Variants in BRSK1 observed in about 807,000 individuals in gnomAD.
BRSK1 encodes the protein serine/threonine-protein kinase BRSK1.
Under a neutral mutation model 86.2 loss-of-function variants are expected in BRSK1, and 17 were observed. The observed-to-expected ratio is 0.20, with a 90% confidence interval of 0.14 to 0.30. The LOEUF (loss-of-function observed/expected upper bound fraction) is 0.30. Ranked by LOEUF, BRSK1 falls within the 10% of genes least tolerant of loss-of-function variation. The probability of loss-of-function intolerance (pLI) is 1.00; values close to 1 mark genes in which losing one functional copy is unlikely to be tolerated. For missense variants in BRSK1, 719 were observed against 1,071.9 expected (o/e 0.67, Z 4.60); for synonymous variants, 464 against 440.1 (o/e 1.05, Z -0.68).
rs375928229 is a variant in BRSK1, at chr19:55,302,903, G to A, written c.1028+36G>A. The A allele has an allele frequency of 1.0e-3, 1,643 of 1,591,214 alleles. 2 individuals are homozygous for A. The highest frequency in any genetic ancestry group is 8.8e-4 in the Non-Finnish European group (1,019 of 1,164,156). ...AAGACCCCTGCACCCGTGTACCCAC[G>A]TGGGGCGAGCTGCAGCAGCTCCCTG... On this transcript the variant is annotated intron_variant, in intron 10 of 18. Transcript: ENST00000309383. The surrounding 1 kb of genome is among the most constrained non-coding windows in gnomAD (Gnocchi z 6.3).
At position 55,304,857 on chromosome 19, in the gene BRSK1, C is replaced by T. The variant is rs2122985031; in HGVS notation, c.1654C>T (p.Arg552Cys). 1 of 1,609,128 alleles carries T rather than the reference C, an allele frequency of 6.2e-7. No individual in the cohort carries two copies. The highest frequency in any genetic ancestry group is 8.5e-7 in the Non-Finnish European group (1 of 1,179,614). Reference protein sequence around the residue: ...GGVGGAAWRSRLNSIRNSFLG... With the variant: ...GGVGGAAWRSCLNSIRNSFLG... ...CGTCGGGGGAGCCGCCTGGAGGAGTCGTCTCAACTCCATCCGCAACAGCTT... is the reference window on the plus strand; with the variant it reads ...CGTCGGGGGAGCCGCCTGGAGGAGTTGTCTCAACTCCATCCGCAACAGCTT... Residue 552 changes from arginine to cysteine, a missense_variant, in exon 14 of 19, where the codon CGT (arginine) becomes TGT (cysteine). Physicochemically the swap from Arg to Cys is radical, Grantham distance 180. Around this residue, in one of 6 missense-constraint regions of BRSK1, gnomAD observed 180 missense variants for 259.4 expected, o/e 0.69. Transcript: ENST00000309383. The surrounding 1 kb of genome is among the most constrained non-coding windows in gnomAD (Gnocchi z 5.2).
chr19:55,299,126 G>A (rs947784549), intron 7 of BRSK1, among the ~76,000 whole-genome samples: 3 of 152,126 alleles, frequency 2.0e-5, no homozygotes, highest in Middle Eastern at 3.4e-3. Flanking sequence ...ACTGCACTCC[G>A]GGCTACAGTG....
chr19:55,307,548 CAA>C (rs11378640), intron 17 of BRSK1, among the ~76,000 whole-genome samples: 20 of 80,612 alleles, frequency 2.5e-4, no homozygotes, highest in African/African-American at 4.2e-4. Flanking sequence ...GACTCTGTCT[CAA>C]AAAAAAAAAA....
chr19:55,303,213 G>T lies in BRSK1; in HGVS notation c.1029-98G>T. ...GATACCTAGAAAAAATGGAACCATG[G>T]GCAGAAATACAGGGAGCGGAGGAGA... is the stretch of plus-strand genomic sequence containing the variant. On this transcript the variant is annotated intron_variant, in intron 10 of 18. Coordinates refer to ENST00000309383, the MANE Select transcript of BRSK1 (RefSeq NM_032430.2). This position sits in a 1 kb window ranked among gnomAD's most constrained non-coding sequence, Gnocchi z 5.1. 1 of 957,958 alleles carries T rather than the reference G, an allele frequency of 1.0e-6. No individual in the cohort carries two copies. Among genetic ancestry groups the T allele is most frequent in the Non-Finnish European group, 1.6e-6 (1 of 608,724 alleles). The allele number at this position is 957,958 out of a possible 1,614,324, so 59.3% of individuals were successfully genotyped here.
intron 17 of BRSK1, among the ~76,000 whole-genome samples, chr19:55,307,311 G>A (rs539751785): frequency 4.2e-4 from 64 of 152,270 alleles, no homozygotes; most frequent in Middle Eastern, 6.8e-3. Flanking sequence ...TGTAATCCCA[G>A]CACTTTGGGA....
At chr19:55,290,711 G>C (rs1038647638) in intron 4 of BRSK1, among the ~76,000 whole-genome samples, 1 of 151,220 alleles carries the variant, frequency 6.6e-6, no homozygotes, top group East Asian at 2.0e-4. Context: ...GCGCGATCTC[G>C]GCTCACTGCA....
At position 55,312,019 on chromosome 19, in the gene BRSK1, C is replaced by A; in HGVS notation, c.2288C>A (p.Pro763His). The change falls in exon 19 of 19, where the codon CCC becomes CAC. Residue 763 changes from proline (P) to histidine (H), a missense_variant. Physicochemically the swap from Pro to His is moderately conservative, Grantham distance 77. Around this residue, in one of 6 missense-constraint regions of BRSK1, gnomAD observed 82 missense variants for 72.6 expected, o/e 1.13. Transcript: ENST00000309383. Reference sequence around the variant, plus strand: ...CTGAGCAGCTCTCCCCGCCGAGGCCCCCCCAAGGACAAGAAGCTCCTGGCC... The same window carrying A: ...CTGAGCAGCTCTCCCCGCCGAGGCCACCCCAAGGACAAGAAGCTCCTGGCC... ...PELSSSPRRG[P>H]PKDKKLLATN... The A allele has an allele frequency of 6.6e-7, 1 of 1,511,006 alleles. No individual in the cohort carries two copies. The highest frequency in any genetic ancestry group is 8.9e-7 in the Non-Finnish European group (1 of 1,129,022). The allele number at this position is 1,511,006 out of a possible 1,614,324, so 93.6% of individuals were successfully genotyped here.
In BRSK1 at chr19:55,284,638, C is replaced by T. The variant is rs922670787; in HGVS notation, c.136+60C>T. 5.8e-5 allele frequency: 73 copies of T among 1,248,648 alleles called. No homozygotes were observed. The African/African-American group carries it at 5.9e-4, about 10-fold the overall frequency. 77.3% of individuals were successfully genotyped at this position (1,248,648 alleles called of 1,614,324 possible). ...GGCAGGGTGGAGGTGGCGGCAGAGG[C>T]GGGACTCAGGGTATTCAAATGGCAG... On this transcript the variant is annotated intron_variant, in intron 1 of 18. Transcript: ENST00000309383.
At position 55,284,498 on chromosome 19, in the gene BRSK1, A is replaced by ACCCCCCCCCCCCCCCCCC; in HGVS notation, c.61_62insCCCCCCCCCCCCCCCCCC (p.Pro20_His21insProProProProProPro). ...GGCTCTCCCGCCTACCACCTCCCCCACCCCCACCCCCACCCACCCCAGCAC... is the reference window on the plus strand; with the variant it reads ...GGCTCTCCCGCCTACCACCTCCCCCACCCCCCCCCCCCCCCCCCCCCCCACCCCCACCCACCCCAGCAC... On this transcript the variant is annotated inframe_insertion, in exon 1 of 19. Transcript: ENST00000309383. 20 of 403,742 alleles carry ACCCCCCCCCCCCCCCCCC rather than the reference A, an allele frequency of 5.0e-5. No homozygotes were observed. Among genetic ancestry groups the ACCCCCCCCCCCCCCCCCC allele is most frequent in the Non-Finnish European group, 7.9e-5 (20 of 251,858 alleles). 25.0% of individuals were successfully genotyped at this position (403,742 alleles called of 1,614,324 possible). A position where few individuals can be genotyped will look rare whatever the true frequency, so the allele number is the denominator to read the frequency against.
intron 16 of BRSK1, 57 bp downstream of exon 16, chr19:55,305,643 G>GCC (rs1334784320): frequency 1.9e-6 from 3 of 1,610,128 alleles, no homozygotes; most frequent in Non-Finnish European, 2.5e-6. Flanking sequence ...AGTCCCAGCA[G>GCC]CCCCTGGGGC....
chr19:55,286,661 C>CG (rs1425203998), intron 1 of BRSK1, among the ~76,000 whole-genome samples: 1 of 89,228 alleles, frequency 1.1e-5, no homozygotes, highest in Non-Finnish European at 2.3e-5. Context: ...AGTGGGGGGG[C>CG]GGGGGCTTGG....
At chr19:55,298,600 C>T (rs1222668839) in intron 7 of BRSK1, among the ~76,000 whole-genome samples, 1 of 152,232 alleles carries the variant, frequency 6.6e-6, no homozygotes, top group Non-Finnish European at 1.5e-5. Flanking sequence ...CATTGGCAGA[C>T]ATGCCCAGAG....
In BRSK1 at chr19:55,288,839, C is replaced by T. The variant is rs149655858; in HGVS notation, c.318-641C>T. 2.8e-3 allele frequency among the ~76,000 whole-genome samples: 421 copies of T among 152,254 alleles called. 6 individuals carry two copies. Among genetic ancestry groups the T allele is most frequent in the African/African-American group, 8.9e-3 (369 of 41,544 alleles). The stretch of plus-strand genomic sequence containing the variant: ...ATCTCAAGTGATCCACCCACTTCGG[C>T]CTCCCAAAGTGCTGGGATTACAGGC... On this transcript the variant is annotated intron_variant, in intron 3 of 18. Coordinates refer to ENST00000309383, the MANE Select transcript of BRSK1 (RefSeq NM_032430.2).
At position 55,284,187 on chromosome 19, in the gene BRSK1, T is replaced by C; in HGVS notation, c.-256T>C. 2.9e-6 allele frequency: 1 copy of C among 344,120 alleles called. No individual in the cohort carries two copies. The highest frequency in any genetic ancestry group is 4.2e-6 in the Non-Finnish European group (1 of 240,686). The allele number at this position is 344,120 out of a possible 1,614,324, so 21.3% of individuals were successfully genotyped here. A position where few individuals can be genotyped will look rare whatever the true frequency, so the allele number is the denominator to read the frequency against. On this transcript the variant is annotated 5_prime_UTR_variant, in exon 1 of 19. Coordinates refer to ENST00000309383, the MANE Select transcript of BRSK1 (RefSeq NM_032430.2). The stretch of plus-strand genomic sequence containing the variant: ...AGCGGGGGGCCGGCCAGAAACGGGC[T>C]GGGGAGGGGGGGCCCCGCAGCCCCC...
intron 7 of BRSK1, among the ~76,000 whole-genome samples, chr19:55,299,729 A>G (rs1266144536): frequency 6.6e-6 from 1 of 151,982 alleles, no homozygotes; most frequent in Non-Finnish European, 1.5e-5. Context: ...TCCTGGCAGG[A>G]TCATTATGTC....
intron 16 of BRSK1, among the ~76,000 whole-genome samples, chr19:55,305,864 C>T (rs1486458053): frequency 6.6e-6 from 1 of 152,218 alleles, no homozygotes; most frequent in African/African-American, 2.4e-5. Flanking sequence ...GAAGAAACTT[C>T]CCAGGCAATG....
At position 55,294,538 on chromosome 19, in the gene BRSK1, G is replaced by A. The variant is rs1350517701; in HGVS notation, c.678+141G>A. On this transcript the variant is annotated intron_variant, in intron 7 of 18. Coordinates refer to ENST00000309383, the MANE Select transcript of BRSK1 (RefSeq NM_032430.2). This position sits in a 1 kb window ranked among gnomAD's most constrained non-coding sequence, Gnocchi z 4.9. ...TTATTTTGAGACAGAGTCTTGCCCCGTCGCCTAGGCTGGAGTGCAGTGGTG... is the reference window on the plus strand; with the variant it reads ...TTATTTTGAGACAGAGTCTTGCCCCATCGCCTAGGCTGGAGTGCAGTGGTG... 36 of 1,112,448 alleles carry A rather than the reference G, an allele frequency of 3.2e-5. No homozygotes were observed. Among genetic ancestry groups the A allele is most frequent in the East Asian group, 2.9e-4 (11 of 38,348 alleles). 68.9% of individuals were successfully genotyped at this position (1,112,448 alleles called of 1,614,324 possible). A position where few individuals can be genotyped will look rare whatever the true frequency, so the allele number is the denominator to read the frequency against.
At chr19:55,292,564 T>A (rs1464949098) in intron 4 of BRSK1, among the ~76,000 whole-genome samples, 2 of 151,630 alleles carry the variant, frequency 1.3e-5, no homozygotes, top group Admixed American at 1.3e-4. Flanking sequence ...CCGGGCGCGG[T>A]GGCTCACGCC....
In BRSK1 at chr19:55,284,384, G is replaced by T; in HGVS notation, c.-59G>T. On this transcript the variant is annotated 5_prime_UTR_variant, in exon 1 of 19. Coordinates refer to ENST00000309383, the MANE Select transcript of BRSK1 (RefSeq NM_032430.2). ...GGTCGCCGGCCCCCACCGGAGAGAC[G>T]GGGCGACGGCCGCAGGGGGGGCGGC... 1.1e-6 allele frequency: 1 copy of T among 886,458 alleles called. No individual in the cohort carries two copies. Among genetic ancestry groups the T allele is most frequent in the East Asian group, 4.0e-5 (1 of 25,114 alleles). 54.9% of individuals were successfully genotyped at this position (886,458 alleles called of 1,614,324 possible).
Sources: gnomAD v4.1 joint callset for allele counts (sites outside exome capture counted in the v4.1 genomes callset) on GRCh38, gnomAD v4.1.1 for gene constraint, gnomAD v4.1.1 regional missense constraint, Gnocchi (gnomAD v3.1) non-coding constraint, MANE v1.5 for transcripts, NCBI Gene and HGNC (gene_info 2026-07-23, HGNC 2026-07-21) for gene names.